The following AHNAK2 variants were observed in gnomAD, a reference collection of about 807,000 sequenced individuals.
AHNAK2 encodes AHNAK nucleoprotein 2, also known as protein AHNAK2.
Under a neutral mutation model 30.7 loss-of-function variants are expected in AHNAK2, and 18 were observed. That is an observed-to-expected ratio of 0.59 (90% confidence interval 0.41 to 0.87). AHNAK2 has a LOEUF of 0.87. AHNAK2 is among the 40% of genes least tolerant of loss of function. AHNAK2 has a pLI of 0.00. For missense variants in AHNAK2, 8,604 were observed against 7,373.0 expected (o/e 1.17, Z -6.11); for synonymous variants, 3,590 against 3,073.8 (o/e 1.17, Z -5.56).
Position 104,951,541 on chromosome 14 carries a change from T to G in AHNAK2, c.3910A>C (p.Lys1304Gln), listed in dbSNP as rs1476092730. The G allele has an allele frequency of 2.4e-6, 3 of 1,247,674 alleles. 1 individual carries two copies. The highest frequency in any genetic ancestry group is 2.9e-5 in the South Asian group (2 of 70,042). The allele number at this position is 1,247,674 out of a possible 1,614,324, so 77.3% of individuals were successfully genotyped here. The stretch of plus-strand genomic sequence containing the variant: ...CCGTCCAGCTGTGCGCCATCCAACT[T>G]GGCTCCCGGGGCCTGCATGTCCACC... ...VEVDMQAPGA[K>Q]LDGAQLDGDL... Residue 1304 changes from lysine to glutamine, a missense_variant, in exon 7 of 7, where the codon AAG (lysine) becomes CAG (glutamine). By Grantham distance (53) the Lys-to-Gln change is moderately conservative. Transcript: ENST00000333244.
At position 104,943,006 on chromosome 14, in the gene AHNAK2, C is replaced by T. The variant is rs200438162; in HGVS notation, c.12445G>A (p.Gly4149Ser). 6.8e-4 allele frequency: 1,101 copies of T among 1,613,364 alleles called. 3 individuals are homozygous for T. Among genetic ancestry groups the T allele is most frequent in the Non-Finnish European group, 8.8e-4 (1,033 of 1,179,632 alleles). The change falls in exon 7 of 7, where the codon GGC becomes AGC. Residue 4149 changes from glycine to serine, a missense_variant. Transcript: ENST00000333244. ...TCCACGGACGCCTCCATGGACTTGC[C>T]TGGGGCCGACACCCCGAATGATGGC... is the stretch of plus-strand genomic sequence containing the variant. ...KMPSFGVSAP[G>S]KSMEASVDVS... is the part of the protein sequence containing the mutation.
chr14:104,942,385 C>T lies in AHNAK2; in HGVS notation c.13066G>A (p.Glu4356Lys), dbSNP rs201289877. 15 of 1,613,140 alleles carry T rather than the reference C, an allele frequency of 9.3e-6. No individual in the cohort carries two copies. The African/African-American group carries it at 1.3e-4, about 14-fold the overall frequency. ...LSIQPPSADL[E>K]VQAGQEDVKL... is the part of the protein sequence containing the mutation. The stretch of plus-strand genomic sequence containing the variant: ...ACATCCTCTTGGCCAGCCTGGACCT[C>T]CAGATCAGCGGAAGGGGGCTGAATG... The change falls in exon 7 of 7, where the codon GAG becomes AAG. Residue 4356 changes from glutamate to lysine, a missense_variant. Coordinates refer to ENST00000333244, the MANE Select transcript of AHNAK2 (RefSeq NM_138420.4).
rs775156364 is a variant in AHNAK2 at position 104,941,708 on chromosome 14, C to G, written c.13743G>C (p.Glu4581Asp). ...ACACCTCCACATCGGGGGCCATCAC[C>G]TCTGCCTTTGGGCCTTTCAGGTCCA... The part of the protein sequence containing the change: ...PKLDLKGPKA[E>D]VMAPDVEVSL... Residue 4581 changes from glutamate (E) to aspartate (D), a missense_variant, in exon 7 of 7, where the codon GAG becomes GAC. Physicochemically the swap from Glu to Asp is conservative, Grantham distance 45. Transcript: ENST00000333244. 1 of 1,613,574 alleles carries G rather than the reference C, an allele frequency of 6.2e-7. No individual in the cohort carries two copies. The highest frequency in any genetic ancestry group is 8.5e-7 in the Non-Finnish European group (1 of 1,179,890).
Position 104,945,574 on chromosome 14 carries a change from C to T in AHNAK2, c.9877G>A (p.Asp3293Asn). The T allele has an allele frequency of 6.2e-7, 1 of 1,609,472 alleles. No homozygotes were observed. The highest frequency in any genetic ancestry group is 2.2e-5 in the East Asian group (1 of 44,770). ...ACATCCTTGTCGGCCAGGGACAGGTCCCCCTCCAGCCGTGCACCATCCAAC... is the reference window on the plus strand; with the variant it reads ...ACATCCTTGTCGGCCAGGGACAGGTTCCCCTCCAGCCGTGCACCATCCAAC... ...AKLDGARLEG[D>N]LSLADKDVTA... The change falls in exon 7 of 7, where the codon GAC (aspartate) becomes AAC (asparagine). Residue 3293 changes from aspartate to asparagine, a missense_variant. Asp to Asn is a conservative substitution (Grantham distance 23). Transcript: ENST00000333244.
Position 104,953,390 on chromosome 14 carries a change from C to A in AHNAK2, c.2061G>T (p.Ala687=). 1 of 1,613,942 alleles carries A rather than the reference C, an allele frequency of 6.2e-7. No homozygotes were observed. Among genetic ancestry groups the A allele is most frequent in the Non-Finnish European group, 8.5e-7 (1 of 1,179,892 alleles). ...CCTCCATGGACTTGCCTGGGGCTGACGCCCCGAACAATGGCATCTTGAACT... is the reference window on the plus strand; with the variant it reads ...CCTCCATGGACTTGCCTGGGGCTGAAGCCCCGAACAATGGCATCTTGAACT... ...MPKFKMPLFG[A]SAPGKSMEAS... Residue 687 remains alanine (A), a synonymous_variant, in exon 7 of 7, where the codon GCG becomes GCT. Transcript: ENST00000333244.
Position 104,940,509 on chromosome 14 carries a change from A to G in AHNAK2, c.14942T>C (p.Val4981Ala), listed in dbSNP as rs762448299. ...TGPKVDPECS[V>A]EDSKLSLVLD... ...AACCAGGCTGAGTTTTGAGTCCTCC[A>G]CGCTGCATTCTGGGTCCACCTTTGG... The change falls in exon 7 of 7, where the codon GTG becomes GCG. Residue 4981 changes from valine (V) to alanine (A), a missense_variant. Coordinates refer to ENST00000333244, the MANE Select transcript of AHNAK2 (RefSeq NM_138420.4). The surrounding 1 kb of genome is among the most constrained non-coding windows in gnomAD (Gnocchi z 4.4). 1.9e-6 allele frequency: 3 copies of G among 1,613,602 alleles called. No individual in the cohort carries two copies. Among genetic ancestry groups the G allele is most frequent in the East Asian group, 4.5e-5 (2 of 44,890 alleles).
chr14:104,941,890 C>G lies in AHNAK2; in HGVS notation c.13561G>C (p.Glu4521Gln), dbSNP rs370687520. 1.2e-6 allele frequency: 2 copies of G among 1,613,580 alleles called. No homozygotes were observed. The highest frequency in any genetic ancestry group is 3.3e-5 in the Admixed American group (2 of 60,012). Residue 4521 changes from glutamate to glutamine, a missense_variant, in exon 7 of 7, where the codon GAG (glutamate) becomes CAG (glutamine). Glu to Gln is a conservative substitution (Grantham distance 29). Transcript: ENST00000333244. Reference sequence around the variant, plus strand: ...AAGTCCACCTGGCCAGCCTGGACCTCCAGGTCGGCGGAAGGGGCCTGAATG... The same window carrying G: ...AAGTCCACCTGGCCAGCCTGGACCTGCAGGTCGGCGGAAGGGGCCTGAATG... Reference protein sequence around the residue: ...LRIQAPSADLEVQAGQVDLKL... With the variant: ...LRIQAPSADLQVQAGQVDLKL...
At position 104,944,710 on chromosome 14, in the gene AHNAK2, G is replaced by A. The variant is rs199597527; in HGVS notation, c.10741C>T (p.Pro3581Ser). 4.6e-5 allele frequency: 74 copies of A among 1,612,400 alleles called. No individual in the cohort carries two copies. Among genetic ancestry groups the A allele is most frequent in the Non-Finnish European group, 5.9e-5 (69 of 1,179,468 alleles). ...TTGGGGCCTTTCAGGTCCAGCTTGGGGCCCTTAACATCTATCTGGGGGCCC... is the reference window on the plus strand; with the variant it reads ...TTGGGGCCTTTCAGGTCCAGCTTGGAGCCCTTAACATCTATCTGGGGGCCC... ...LKGPQIDVKG[P>S]KLDLKGPKAE... Residue 3581 changes from proline to serine, a missense_variant, in exon 7 of 7, where the codon CCC becomes TCC. Physicochemically the swap from Pro to Ser is moderately conservative, Grantham distance 74. Transcript: ENST00000333244.
intron 1 of AHNAK2, among the ~76,000 whole-genome samples, chr14:104,973,401 G>A (rs765094447): frequency 5.3e-5 from 8 of 152,324 alleles, no homozygotes; most frequent in Non-Finnish European, 8.8e-5. Flanking sequence ...CAAGGAGCCC[G>A]CGGTGCTGGC....
rs1456571881 is a variant in AHNAK2, at chr14:104,942,978, A to G, written c.12473T>C (p.Val4158Ala). The change falls in exon 7 of 7, where the codon GTG (valine) becomes GCG (alanine). Residue 4158 changes from valine (V) to alanine (A), a missense_variant. By Grantham distance (64) the Val-to-Ala change is moderately conservative. Coordinates refer to ENST00000333244, the MANE Select transcript of AHNAK2 (RefSeq NM_138420.4). ...GTCGGCTTTCGCCTTCAGCTCAGAC[A>G]CATCCACGGACGCCTCCATGGACTT... ...PGKSMEASVDVSELKAKADVS... is the reference protein window; with the variant it reads ...PGKSMEASVDASELKAKADVS... 2 of 1,613,020 alleles carry G rather than the reference A, an allele frequency of 1.2e-6. No individual in the cohort carries two copies. The highest frequency in any genetic ancestry group is 1.7e-6 in the Non-Finnish European group (2 of 1,179,572).
chr14:104,953,105 G>A lies in AHNAK2; in HGVS notation c.2346C>T (p.Gly782=). 1 of 1,613,228 alleles carries A rather than the reference G, an allele frequency of 6.2e-7. No individual in the cohort carries two copies. Among genetic ancestry groups the A allele is most frequent in the Non-Finnish European group, 8.5e-7 (1 of 1,179,672 alleles). Residue 782 remains glycine, a synonymous_variant, in exon 7 of 7, where the codon GGC becomes GGT. Coordinates refer to ENST00000333244, the MANE Select transcript of AHNAK2 (RefSeq NM_138420.4). ...DLKGPKLDLK[G]PKAEVTAPDV... ...CGGGGGCTGTCACTTCCGCCTTGGG[G>A]CCTTTCAGGTCCAGCTTGGGGCCCT...
In AHNAK2 at chr14:104,943,924, G is replaced by C. The variant is rs1247434598; in HGVS notation, c.11527C>G (p.Gln3843Glu). ...VEADVSLPSMQGDLKTTDLSI... is the reference protein window; with the variant it reads ...VEADVSLPSMEGDLKTTDLSI... ...AGGTCAGTGGTCTTGAGGTCCCCCT[G>C]CATGGAGGGGAGACTCACATCGGCC... The change falls in exon 7 of 7, where the codon CAG (glutamine) becomes GAG (glutamate). Residue 3843 changes from glutamine to glutamate, a missense_variant. Transcript: ENST00000333244. 2 of 1,613,130 alleles carry C rather than the reference G, an allele frequency of 1.2e-6. No homozygotes were observed. The highest frequency in any genetic ancestry group is 1.3e-5 in the African/African-American group (1 of 74,768).
chr14:104,940,432 G>A lies in AHNAK2; in HGVS notation c.15019C>T (p.Pro5007Ser). 1 of 1,613,876 alleles carries A rather than the reference G, an allele frequency of 6.2e-7. No homozygotes were observed. The highest frequency in any genetic ancestry group is 8.5e-7 in the Non-Finnish European group (1 of 1,179,898). The change falls in exon 7 of 7, where the codon CCT (proline) becomes TCT (serine). Residue 5007 changes from proline (P) to serine (S), a missense_variant. Pro to Ser is a moderately conservative substitution (Grantham distance 74). Transcript: ENST00000333244. The surrounding 1 kb of genome is among the most constrained non-coding windows in gnomAD (Gnocchi z 4.4). The stretch of plus-strand genomic sequence containing the variant: ...CTCCCCTTCTCTCCATCCCTCTCAG[G>A]AGGCAGATCCATGTGGATGGCAGAC... ...PQSAIHMDLP[P>S]ERDGEKGRST... is the part of the protein sequence containing the mutation.
rs765305822 is a variant in AHNAK2, at chr14:104,954,042, G to A, written c.1409C>T (p.Thr470Ile). 25 of 1,613,582 alleles carry A rather than the reference G, an allele frequency of 1.5e-5. No individual in the cohort carries two copies. Among genetic ancestry groups the A allele is most frequent in the Non-Finnish European group, 2.0e-5 (24 of 1,179,820 alleles). Residue 470 changes from threonine to isoleucine, a missense_variant, in exon 7 of 7, where the codon ACA becomes ATA. By Grantham distance (89) the Thr-to-Ile change is moderately conservative. Coordinates refer to ENST00000333244, the MANE Select transcript of AHNAK2 (RefSeq NM_138420.4). The surrounding 1 kb of genome is among the most constrained non-coding windows in gnomAD (Gnocchi z 4.3). ...IGIARLSLRD[T>I]TEGGTQIGPP... is the part of the protein sequence containing the mutation. ...GCCAATCTGTGTGCCTCCTTCGGTT[G>A]TGTCTCTCAAGGACAGTCTGGCGAT...
chr14:104,950,762 C>G lies in AHNAK2; in HGVS notation c.4689G>C (p.Glu1563Asp). 2 of 1,587,534 alleles carry G rather than the reference C, an allele frequency of 1.3e-6. No homozygotes were observed. The highest frequency in any genetic ancestry group is 1.7e-6 in the Non-Finnish European group (2 of 1,162,784). The change falls in exon 7 of 7, where the codon GAG becomes GAC. Residue 1563 changes from glutamate (E) to aspartate (D), a missense_variant. Physicochemically the swap from Glu to Asp is conservative, Grantham distance 45. Coordinates refer to ENST00000333244, the MANE Select transcript of AHNAK2 (RefSeq NM_138420.4). ...QAGQVDVKLP[E>D]GPVSEGAGLK... ...GGCCGGCTCCCTCGGACACAGGGCC[C>G]TCTGGGAGTTTCACGTCCACTTGGC...
Position 104,948,130 on chromosome 14 carries a change from C to T in AHNAK2, c.7321G>A (p.Asp2441Asn), listed in dbSNP as rs377766612. ...ACGCTGGGCTGAGACACCTCCACGT[C>T]GGGGGCCATCACGTCCGTCTTGGGG... ...KGPKTDVMAP[D>N]VEVSQPSVEV... is the part of the protein sequence containing the mutation. Residue 2441 changes from aspartate (D) to asparagine (N), a missense_variant, in exon 7 of 7, where the codon GAC becomes AAC. By Grantham distance (23) the Asp-to-Asn change is conservative. Transcript: ENST00000333244. 4.7e-5 allele frequency: 76 copies of T among 1,612,416 alleles called. No individual in the cohort carries two copies. Among genetic ancestry groups the T allele is most frequent in the South Asian group, 1.3e-4 (12 of 91,032 alleles).
In AHNAK2 at chr14:104,948,742, G is replaced by T. The variant is rs370438358; in HGVS notation, c.6709C>A (p.Pro2237Thr). Reference protein sequence around the residue: ...PEEVGLKGHLPKLQMPSFKVP... With the variant: ...PEEVGLKGHLTKLQMPSFKVP... ...TTGAAACTGGGCATCTGCAGCTTGG[G>T]CAGGTGCCCTTTGAGGCCGACTTCC... is the stretch of plus-strand genomic sequence containing the variant. Residue 2237 changes from proline (P) to threonine (T), a missense_variant, in exon 7 of 7, where the codon CCC becomes ACC. Pro to Thr is a conservative substitution (Grantham distance 38). Transcript: ENST00000333244. 9.1e-5 allele frequency: 147 copies of T among 1,611,882 alleles called. No individual in the cohort carries two copies. Among genetic ancestry groups the T allele is most frequent in the South Asian group, 7.5e-4 (68 of 91,038 alleles).
Position 104,940,714 on chromosome 14 carries a change from A to T in AHNAK2, c.14737T>A (p.Ser4913Thr). Reference protein sequence around the residue: ...QCPLPSTQLPSPGTCVSQGPE... With the variant: ...QCPLPSTQLPTPGTCVSQGPE... The stretch of plus-strand genomic sequence containing the variant: ...CCCTGAGACACACAGGTGCCTGGGG[A>T]TGGCAGCTGGGTGCTTGGCAAGGGG... The change falls in exon 7 of 7, where the codon TCC (serine) becomes ACC (threonine). Residue 4913 changes from serine (S) to threonine (T), a missense_variant. Coordinates refer to ENST00000333244, the MANE Select transcript of AHNAK2 (RefSeq NM_138420.4). The surrounding 1 kb of genome is among the most constrained non-coding windows in gnomAD (Gnocchi z 4.4). 6.2e-7 allele frequency: 1 copy of T among 1,612,872 alleles called. No individual in the cohort carries two copies. The highest frequency in any genetic ancestry group is 2.2e-5 in the East Asian group (1 of 44,860).
rs181068012 is a variant in AHNAK2 at position 104,948,275 on chromosome 14, C to T, written c.7176G>A (p.Pro2392=). 568 of 1,611,428 alleles carry T rather than the reference C, an allele frequency of 3.5e-4. 17 individuals are homozygous for T. The African/African-American group carries it at 4.6e-3, about 13-fold the overall frequency. Residue 2392 remains proline, a synonymous_variant, in exon 7 of 7, where the codon CCG becomes CCA. Coordinates refer to ENST00000333244, the MANE Select transcript of AHNAK2 (RefSeq NM_138420.4). The part of the protein sequence containing the change: ...VDVKLPEGPV[P]EGAGLKGHLP... ...GGTGCCCTTTGAGGCCGGCTCCCTCCGGCACGGGGCCCTCTGGGAGTTTCA... is the reference window on the plus strand; with the variant it reads ...GGTGCCCTTTGAGGCCGGCTCCCTCTGGCACGGGGCCCTCTGGGAGTTTCA...
Sources: gnomAD v4.1 joint callset for allele counts (sites outside exome capture counted in the v4.1 genomes callset) on GRCh38, gnomAD v4.1.1 for gene constraint, Gnocchi (gnomAD v3.1) non-coding constraint, MANE v1.5 for transcripts, NCBI Gene and HGNC (gene_info 2026-07-23, HGNC 2026-07-21) for gene names.